The following ASAP1 variants were observed in gnomAD, a reference collection of about 807,000 sequenced individuals.
The protein encoded by ASAP1 is ArfGAP with SH3 domain, ankyrin repeat and PH domain 1.
Under a neutral mutation model 145.2 loss-of-function variants are expected in ASAP1, and 43 were observed. The observed-to-expected ratio is 0.30, with a 90% confidence interval of 0.23 to 0.38. ASAP1 has a LOEUF of 0.38. Ranked by LOEUF, ASAP1 falls within the 10% of genes least tolerant of loss-of-function variation. ASAP1 has a pLI of 1.00. For synonymous variants in ASAP1, 546 were observed against 515.5 expected, an observed-to-expected ratio of 1.06 and a Z score of -0.80; for missense variants, 1,018 against 1,355.3, an observed-to-expected ratio of 0.75 and a Z score of 3.91.
At chr8:130,294,595 T>A (rs1366063925) in intron 3 of ASAP1, among the ~76,000 whole-genome samples, 3 of 152,246 alleles carry the variant, frequency 2.0e-5, no homozygotes, top group South Asian at 4.1e-4. Context: ...AAAGTATGTT[T>A]AAGTGTCCAA....
At chr8:130,230,506 G>A (rs960814951) in intron 4 of ASAP1, among the ~76,000 whole-genome samples, 1 of 151,788 alleles carries the variant, frequency 6.6e-6, no homozygotes, top group African/African-American at 2.4e-5. Context: ...CCCTTTGGGG[G>A]AAAAAAACCC....
At chr8:130,379,899 G>T (rs912854384) in intron 2 of ASAP1, among the ~76,000 whole-genome samples, 4 of 152,174 alleles carry the variant, frequency 2.6e-5, no homozygotes, top group African/African-American at 4.8e-5. Flanking sequence ...ACCACGCCCT[G>T]AGCCTGGCAC....
At chr8:130,080,003 T>A in intron 25 of ASAP1, 32 bp from the exon 26 acceptor site, 1 of 1,581,014 alleles carries the variant, frequency 6.3e-7, no homozygotes, top group Non-Finnish European at 8.7e-7. Context: ...AAAAGGTATG[T>A]CTTTAGATGG....
At chr8:130,115,403 A>G (rs868821046) in intron 23 of ASAP1, among the ~76,000 whole-genome samples, 5 of 152,232 alleles carry the variant, frequency 3.3e-5, no homozygotes, top group African/African-American at 1.2e-4. Flanking sequence ...AATTCCTTAA[A>G]AAAAATTTCT....
At chr8:130,240,438 A>C (rs1818454780) in intron 3 of ASAP1, among the ~76,000 whole-genome samples, 1 of 152,122 alleles carries the variant, frequency 6.6e-6, no homozygotes, top group Non-Finnish European at 1.5e-5. Context: ...GAAATAATAC[A>C]AGTCTAAGTG....
chr8:130,353,297 T>C (rs1488587676), intron 3 of ASAP1, among the ~76,000 whole-genome samples: 1 of 152,168 alleles, frequency 6.6e-6, no homozygotes, highest in East Asian at 1.9e-4. Flanking sequence ...TGTTCACGGA[T>C]TATACTCAAA....
At chr8:130,074,362 G>A (rs376922207) in intron 27 of ASAP1, among the ~76,000 whole-genome samples, 2 of 152,090 alleles carry the variant, frequency 1.3e-5, no homozygotes, top group East Asian at 3.9e-4. Flanking sequence ...TGGGTGTGGT[G>A]GAGGAGGCTG....
At chr8:130,207,495 C>T (rs541429740) in intron 5 of ASAP1, among the ~76,000 whole-genome samples, 5 of 152,192 alleles carry the variant, frequency 3.3e-5, no homozygotes, top group Admixed American at 2.6e-4. Context: ...ATCCCTACAG[C>T]CTACCCACAG....
chr8:130,102,411 G>A (rs1028889138), intron 24 of ASAP1, among the ~76,000 whole-genome samples: 6 of 152,108 alleles, frequency 3.9e-5, no homozygotes, highest in African/African-American at 1.2e-4. Flanking sequence ...ATTGATTAGC[G>A]TATGTTGAAA....
At chr8:130,094,220 A>T (rs979245955) in intron 24 of ASAP1, among the ~76,000 whole-genome samples, 11 of 151,866 alleles carry the variant, frequency 7.2e-5, no homozygotes, top group Admixed American at 2.6e-4. Flanking sequence ...GTTAAAAAAA[A>T]TTTTTTTTGA....
At chr8:130,288,760 A>G (rs1020827693) in intron 3 of ASAP1, among the ~76,000 whole-genome samples, 2 of 152,228 alleles carry the variant, frequency 1.3e-5, no homozygotes, top group Admixed American at 6.5e-5. Flanking sequence ...GGTCAATGCA[A>G]GATGTTCACA....
Position 130,180,900 on chromosome 8 carries a change from C to T in ASAP1, c.531-20G>A. The T allele has an allele frequency of 1.3e-6, 2 of 1,513,816 alleles. No homozygotes were observed. Among genetic ancestry groups the T allele is most frequent in the Non-Finnish European group, 1.8e-6 (2 of 1,138,390 alleles). The allele number at this position is 1,513,816 out of a possible 1,614,324, so 93.8% of individuals were successfully genotyped here. ...TTTGTACTGTAATTAAAGCCAATGT[C>T]ATTATTTAAAAAAAAAAAATACACT... On this transcript the variant is annotated intron_variant, in intron 7 of 29. Transcript: ENST00000518721.
chr8:130,363,100 C>A (rs1826793114), intron 2 of ASAP1, among the ~76,000 whole-genome samples: 1 of 152,178 alleles, frequency 6.6e-6, no homozygotes, highest in South Asian at 2.1e-4. Flanking sequence ...CAATGACAAC[C>A]CCTATCTCAG....
At chr8:130,127,687 T>C (rs970445260) in intron 16 of ASAP1, among the ~76,000 whole-genome samples, 2 of 152,004 alleles carry the variant, frequency 1.3e-5, no homozygotes, top group Non-Finnish European at 2.9e-5. Context: ...CTGGACCTTA[T>C]AGGAAAGGTA....
intron 3 of ASAP1, among the ~76,000 whole-genome samples, chr8:130,271,132 T>A (rs1223122172): frequency 6.6e-6 from 1 of 152,188 alleles, no homozygotes; most frequent in African/African-American, 2.4e-5. Flanking sequence ...AAGCAACAAA[T>A]CCTTCTCATT....
intron 24 of ASAP1, among the ~76,000 whole-genome samples, chr8:130,111,861 G>T (rs2097547451): frequency 6.6e-6 from 1 of 152,184 alleles, no homozygotes; most frequent in Non-Finnish European, 1.5e-5. Flanking sequence ...TCACAGGATT[G>T]TTGTAAGGTT....
At chr8:130,134,639 T>C (rs1226051138) in intron 14 of ASAP1, among the ~76,000 whole-genome samples, 1 of 152,184 alleles carries the variant, frequency 6.6e-6, no homozygotes, top group African/African-American at 2.4e-5. Context: ...TCGAGGTTAT[T>C]CTTCTTAAGT....
chr8:130,188,082 G>T, intron 6 of ASAP1, 27 bp downstream of exon 6: 1 of 1,541,794 alleles, frequency 6.5e-7, no homozygotes, highest in Admixed American at 1.7e-5. Flanking sequence ...TCAAGTTAAA[G>T]TGAAAATCAA....
At chr8:130,366,885 C>CATTTTTTTTTTTTTTTT (rs1565252965) in intron 2 of ASAP1, among the ~76,000 whole-genome samples, 1 of 120,092 alleles carries the variant, frequency 8.3e-6, no homozygotes, top group African/African-American at 3.2e-5. Context: ...ATGCTAGATT[C>CATTTTTTTTTTTTTTTT]CTTTTTTTTT....
Sources: gnomAD v4.1 joint callset for allele counts (sites outside exome capture counted in the v4.1 genomes callset) on GRCh38, gnomAD v4.1.1 for gene constraint, MANE v1.5 for transcripts, NCBI Gene and HGNC (gene_info 2026-07-23, HGNC 2026-07-21) for gene names.